The following SORCS1 variants were observed in gnomAD, a reference collection of about 807,000 sequenced individuals.
The protein encoded by SORCS1 is VPS10 domain-containing receptor SorCS1.
A neutral mutation model predicts 146.1 loss-of-function variants in SORCS1; 60 were observed. The ratio of observed to expected loss-of-function variants is 0.41; its 90% CI spans 0.33 to 0.51. The LOEUF (loss-of-function observed/expected upper bound fraction) is 0.51. Among genes scored for constraint, SORCS1 ranks in the 20% least tolerant of loss-of-function variants. SORCS1 has a pLI of 0.21. For synonymous variants in SORCS1, 637 were observed against 584.0 expected (o/e 1.09, Z -1.31); for missense variants, 1,352 against 1,487.6 (o/e 0.91, Z 1.50).
chr10:107,155,074 G>A (rs1969172476), intron 1 of SORCS1, among the ~76,000 whole-genome samples: 1 of 152,178 alleles, frequency 6.6e-6, no homozygotes, highest in Admixed American at 6.5e-5. Context: ...TATGTGGACA[G>A]CCATGGAAGA....
intron 1 of SORCS1, among the ~76,000 whole-genome samples, chr10:106,969,325 C>G: frequency 6.6e-6 from 1 of 152,200 alleles, no homozygotes; most frequent in Middle Eastern, 3.2e-3. Context: ...CTCCATCTAA[C>G]TCCAACCACC....
chr10:106,672,537 C>T (rs1204600227), intron 15 of SORCS1, among the ~76,000 whole-genome samples: 1 of 152,102 alleles, frequency 6.6e-6, no homozygotes, highest in Non-Finnish European at 1.5e-5. Flanking sequence ...CTTCCTCATC[C>T]CTGCCCCCAC....
the SORCS1 span, among the ~76,000 whole-genome samples, chr10:107,174,055 A>T: frequency 3.9e-5 from 6 of 152,316 alleles, no homozygotes; most frequent in East Asian, 9.6e-4. Flanking sequence ...ATTGCATTGT[A>T]TGTATAGATC....
intron 4 of SORCS1, among the ~76,000 whole-genome samples, chr10:106,764,391 A>G (rs1027483943): frequency 3.9e-5 from 6 of 152,242 alleles, no homozygotes; most frequent in East Asian, 1.9e-4. Flanking sequence ...AGGGAATGGT[A>G]TCAAAGCATT....
At chr10:107,006,812 G>A (rs559551904) in intron 1 of SORCS1, among the ~76,000 whole-genome samples, 5 of 152,154 alleles carry the variant, frequency 3.3e-5, no homozygotes, top group South Asian at 2.1e-4. Flanking sequence ...GCGAGACTCC[G>A]TCTCAAAAAA....
At chr10:106,778,479 G>A (rs755029664) in intron 3 of SORCS1, among the ~76,000 whole-genome samples, 2 of 152,028 alleles carry the variant, frequency 1.3e-5, no homozygotes, top group Non-Finnish European at 2.9e-5. Context: ...GGTAATCTAC[G>A]AAGTATAAAC....
chr10:106,909,746 A>C (rs1011288070), intron 2 of SORCS1, among the ~76,000 whole-genome samples: 4 of 152,060 alleles, frequency 2.6e-5, no homozygotes, highest in African/African-American at 9.7e-5. Flanking sequence ...TCTTTTACAA[A>C]TCACCTCCAG....
At position 106,646,823 on chromosome 10, in the gene SORCS1, C is replaced by G. The variant is rs1849472161; in HGVS notation, c.2475+5559G>C. On this transcript the variant is annotated intron_variant, in intron 18 of 25. Transcript: ENST00000263054. Reference sequence around the variant, plus strand: ...CCCATATGGATATTCAAAATTGTAGCACCCATGTATTGAAAAGATTATAAT... The same window carrying G: ...CCCATATGGATATTCAAAATTGTAGGACCCATGTATTGAAAAGATTATAAT... Among the ~76,000 whole-genome samples, 3 of 151,740 alleles carry G rather than the reference C, an allele frequency of 2.0e-5. No individual in the cohort carries two copies. In the South Asian group the frequency reaches 6.2e-4, roughly 32 times the overall value.
At chr10:106,962,313 T>C (rs999275617) in intron 1 of SORCS1, among the ~76,000 whole-genome samples, 1 of 141,040 alleles carries the variant, frequency 7.1e-6, no homozygotes, top group South Asian at 2.2e-4. Context: ...CAGAATTGCT[T>C]GAACCTGGGA....
chr10:107,164,554 G>A lies in SORCS1; in HGVS notation c.-28C>T, dbSNP rs1474323098. ...CGGGAGCGAAGAGCAGCGGAGAGAGGGGTCCCAGAACGAAGGTGGCGGCAC... is the reference window on the plus strand; with the variant it reads ...CGGGAGCGAAGAGCAGCGGAGAGAGAGGTCCCAGAACGAAGGTGGCGGCAC... On this transcript the variant is annotated 5_prime_UTR_variant, in exon 1 of 26. Coordinates refer to ENST00000263054, the MANE Select transcript of SORCS1 (RefSeq NM_052918.5). The surrounding 1 kb of genome is among the most constrained non-coding windows in gnomAD (Gnocchi z 6.8). 6.0e-6 allele frequency: 8 copies of A among 1,330,694 alleles called. No homozygotes were observed. The highest frequency in any genetic ancestry group is 5.7e-6 in the Non-Finnish European group (6 of 1,046,850). The allele number at this position is 1,330,694 out of a possible 1,614,324, so 82.4% of individuals were successfully genotyped here.
At chr10:106,955,320 C>T (rs1224837881) in intron 2 of SORCS1, among the ~76,000 whole-genome samples, 1 of 152,256 alleles carries the variant, frequency 6.6e-6, no homozygotes, top group Non-Finnish European at 1.5e-5. Flanking sequence ...CCTTGTCATA[C>T]ACCTGGTCCA....
intron 4 of SORCS1, among the ~76,000 whole-genome samples, chr10:106,764,798 C>T (rs1005720027): frequency 4.3e-4 from 66 of 152,000 alleles, no homozygotes; most frequent in Non-Finnish European, 2.8e-4. Context: ...GCGAGGCGGG[C>T]GGATCACGAG....
rs763586112 is a variant in SORCS1, at chr10:106,709,387, TAC to T, written c.1025-48_1025-47del. ...CAAAAACATGGGGTTGAGGGGGATA[TAC>T]AGACAGAGATTTACAGTCAGGGTGG... On this transcript the variant is annotated intron_variant, in intron 6 of 25. Transcript: ENST00000263054. 3.8e-5 allele frequency: 41 copies of T among 1,089,096 alleles called. No individual in the cohort carries two copies. The South Asian group carries it at 4.7e-4, about 13-fold the overall frequency. 67.5% of individuals were successfully genotyped at this position (1,089,096 alleles called of 1,614,324 possible). A position where few individuals can be genotyped will look rare whatever the true frequency, so the allele number is the denominator to read the frequency against.
chr10:106,977,955 T>C (rs1483559259), intron 1 of SORCS1, among the ~76,000 whole-genome samples: 1 of 152,100 alleles, frequency 6.6e-6, no homozygotes, highest in East Asian at 1.9e-4. Flanking sequence ...GGTTCATCAT[T>C]TTTTTTGAGA....
chr10:107,088,551 C>A (rs963273045), intron 1 of SORCS1, among the ~76,000 whole-genome samples: 4 of 152,138 alleles, frequency 2.6e-5, no homozygotes, highest in Admixed American at 2.6e-4. Flanking sequence ...GGCAGGCCAA[C>A]GATGTAACAA....
chr10:106,677,203 G>A, intron 13 of SORCS1, 110 bp downstream of exon 13: 2 of 1,028,616 alleles, frequency 1.9e-6, no homozygotes, highest in Non-Finnish European at 2.9e-6. Context: ...CGGCATTTTG[G>A]TAACAGATTT....
rs1381891511 is a variant in SORCS1 at position 106,578,916 on chromosome 10, T to C, written c.3371+453A>G. The C allele has an allele frequency of 2.1e-6, 3 of 1,419,992 alleles. No homozygotes were observed. In the African/African-American group the frequency reaches 4.3e-5, roughly 20 times the overall value. 88.0% of individuals were successfully genotyped at this position (1,419,992 alleles called of 1,614,324 possible). A position where few individuals can be genotyped will look rare whatever the true frequency, so the allele number is the denominator to read the frequency against. On this transcript the variant is annotated intron_variant, in intron 25 of 25. Coordinates refer to ENST00000263054, the MANE Select transcript of SORCS1 (RefSeq NM_052918.5). ...AAAAACTAGATAGAAGCAAGAGGTT[T>C]GTTTGTTTTTCCCCCATCCCAATCA...
At chr10:107,034,007 C>A (rs1448780076) in intron 1 of SORCS1, among the ~76,000 whole-genome samples, 5 of 152,184 alleles carry the variant, frequency 3.3e-5, no homozygotes, top group African/African-American at 9.7e-5. Context: ...GCCAGCTAAT[C>A]CCCTAGTTCG....
chr10:106,782,733 C>T (rs778174558), intron 3 of SORCS1, among the ~76,000 whole-genome samples: 8 of 152,216 alleles, frequency 5.3e-5, no homozygotes, highest in Admixed American at 5.2e-4. Flanking sequence ...CGTACAAACA[C>T]TATTTTACTG....
Sources: gnomAD v4.1 joint callset for allele counts (sites outside exome capture counted in the v4.1 genomes callset) on GRCh38, gnomAD v4.1.1 for gene constraint, Gnocchi (gnomAD v3.1) non-coding constraint, MANE v1.5 for transcripts, NCBI Gene and HGNC (gene_info 2026-07-23, HGNC 2026-07-21) for gene names.